Variants in PDE8B observed in about 807,000 individuals in gnomAD.
The protein encoded by PDE8B is high affinity cAMP-specific and IBMX-insensitive 3',5'-cyclic phosphodiesterase 8B.
A neutral mutation model predicts 101.3 loss-of-function variants in PDE8B; 26 were observed. The ratio of observed to expected loss-of-function variants is 0.26; its 90% confidence interval spans 0.19 to 0.36. PDE8B has a LOEUF of 0.36. Among genes scored for constraint, PDE8B ranks in the 10% least tolerant of loss-of-function variants. The pLI, the probability that PDE8B is intolerant of heterozygous loss-of-function variation, is 1.00. For synonymous variants in PDE8B, 424 were observed against 429.3 expected (o/e 0.99, Z 0.15); for missense variants, 810 against 1,163.1 (o/e 0.70, Z 4.42).
chr5:77,353,395 A>G lies in PDE8B; in HGVS notation c.1156A>G (p.Asn386Asp). 3 of 1,597,654 alleles carry G rather than the reference A, an allele frequency of 1.9e-6. No homozygotes were observed. The highest frequency in any genetic ancestry group is 1.7e-6 in the Non-Finnish European group (2 of 1,165,020). Residue 386 changes from asparagine (N) to aspartate (D), a missense_variant, in exon 10 of 22, where the codon AAT (asparagine) becomes GAT (aspartate). By Grantham distance (23) the Asn-to-Asp change is conservative. Transcript: ENST00000264917. ...SLKKLCCTTD[N>D]NKQIHKIHRD... ...CAAGAAACTGTGTTGTACCACTGACAATAATAAGCAGGTATGGTATTAGCT... is the reference window on the plus strand; with the variant it reads ...CAAGAAACTGTGTTGTACCACTGACGATAATAAGCAGGTATGGTATTAGCT...
chr5:77,271,992 C>G (rs1762907843), intron 1 of PDE8B, among the ~76,000 whole-genome samples: 1 of 152,174 alleles, frequency 6.6e-6, no homozygotes. Context: ...TTAGAAATGT[C>G]AACTCTCAGC....
intron 10 of PDE8B, among the ~76,000 whole-genome samples, chr5:77,383,374 C>T (rs1471630736): frequency 6.6e-6 from 1 of 152,138 alleles, no homozygotes; most frequent in East Asian, 1.9e-4. Context: ...AATTTTCTCC[C>T]ATTCTGTAGG....
rs1465533351 is a variant in PDE8B at position 77,339,718 on chromosome 5, A to T, written c.797+2403A>T. ...CCCCTACAATTCCGCCCCCAGCTGC[A>T]GCTAAATATGTATCATTACTGTCAT... On this transcript the variant is annotated intron_variant, in intron 6 of 21. Transcript: ENST00000264917. Among the ~76,000 whole-genome samples, 3 of 152,176 alleles carry T rather than the reference A, an allele frequency of 2.0e-5. No homozygotes were observed. The South Asian group carries it at 6.2e-4, about 32-fold the overall frequency.
chr5:77,132,316 G>C, the PDE8B span, among the ~76,000 whole-genome samples: 1 of 151,824 alleles, frequency 6.6e-6, no homozygotes, highest in Non-Finnish European at 1.5e-5. Context: ...GTGCTATATT[G>C]TTTTTCCTGA....
chr5:77,228,172 G>A (rs1370938247), intron 1 of PDE8B, among the ~76,000 whole-genome samples: 5 of 152,164 alleles, frequency 3.3e-5, no homozygotes, highest in Non-Finnish European at 7.4e-5. Flanking sequence ...TTAGCTCCTT[G>A]TTGACTGTTG....
At chr5:77,422,117 C>T (rs982646276) in intron 20 of PDE8B, 129 bp downstream of exon 20, 2 of 995,910 alleles carry the variant, frequency 2.0e-6, no homozygotes, top group Non-Finnish European at 1.5e-6. Flanking sequence ...TGGAAGAAAG[C>T]AGCTTACCCC....
chr5:77,386,400 G>A (rs1351946188), intron 10 of PDE8B, among the ~76,000 whole-genome samples: 1 of 152,146 alleles, frequency 6.6e-6, no homozygotes, highest in Non-Finnish European at 1.5e-5. Flanking sequence ...CACTATTATT[G>A]TGTGGGAGTC....
chr5:77,423,588 G>A (rs1293544105), intron 20 of PDE8B, among the ~76,000 whole-genome samples: 1 of 143,112 alleles, frequency 7.0e-6, no homozygotes, highest in African/African-American at 2.6e-5. Context: ...TTGTGGTTTT[G>A]ATTTGCATGT....
At position 77,210,809 on chromosome 5, in the gene PDE8B, G is replaced by T; in HGVS notation, c.-117G>T. On this transcript the variant is annotated 5_prime_UTR_variant, in exon 1 of 22. Coordinates refer to ENST00000264917, the MANE Select transcript of PDE8B (RefSeq NM_003719.5). This position sits in a 1 kb window ranked among gnomAD's most constrained non-coding sequence, Gnocchi z 4.9. The stretch of plus-strand genomic sequence containing the variant: ...CGACGGAGCGGCGGACACACAGGCC[G>T]GGGGGCGCGCAGTCCGGGCGCCGCC... 2.0e-6 allele frequency: 2 copies of T among 984,556 alleles called. No homozygotes were observed. Among genetic ancestry groups the T allele is most frequent in the South Asian group, 9.4e-5 (2 of 21,350 alleles). 61.0% of individuals were successfully genotyped at this position (984,556 alleles called of 1,614,324 possible). A position where few individuals can be genotyped will look rare whatever the true frequency, so the allele number is the denominator to read the frequency against.
the PDE8B span, among the ~76,000 whole-genome samples, chr5:77,160,664 A>G: frequency 6.6e-6 from 1 of 151,974 alleles, no homozygotes; most frequent in Non-Finnish European, 1.5e-5. Flanking sequence ...AGTTTAGTTT[A>G]GTTTTGAGAC....
chr5:77,135,901 G>A, the PDE8B span, among the ~76,000 whole-genome samples: 3 of 152,230 alleles, frequency 2.0e-5, no homozygotes, highest in South Asian at 6.2e-4. Flanking sequence ...ACAGGCATGA[G>A]CATTGGCAAA....
intron 6 of PDE8B, among the ~76,000 whole-genome samples, 165 bp downstream of exon 6, chr5:77,337,480 G>A (rs895071743): frequency 6.6e-6 from 1 of 152,138 alleles, no homozygotes; most frequent in Non-Finnish European, 1.5e-5. Context: ...AAGCCAGAAG[G>A]CCCATTATAT....
chr5:77,234,688 C>G (rs1308998225), intron 1 of PDE8B, among the ~76,000 whole-genome samples: 1 of 152,166 alleles, frequency 6.6e-6, no homozygotes, highest in Non-Finnish European at 1.5e-5. Context: ...CCTCTCTCCT[C>G]CAGATTCTTC....
the PDE8B span, among the ~76,000 whole-genome samples, chr5:77,175,798 T>G: frequency 6.6e-6 from 1 of 152,232 alleles, no homozygotes; most frequent in African/African-American, 2.4e-5. Context: ...TTTGCCTCTG[T>G]GATAAAATAC....
rs143237999 is a variant in PDE8B, at chr5:77,350,571, TGGCTGGGG to T, written c.1018-490_1018-483del. 3.4e-3 allele frequency among the ~76,000 whole-genome samples: 520 copies of T among 151,866 alleles called. 1 individual carries two copies. The highest frequency in any genetic ancestry group is 0.012 in the African/African-American group (493 of 41,394). On this transcript the variant is annotated intron_variant, in intron 8 of 21. Coordinates refer to ENST00000264917, the MANE Select transcript of PDE8B (RefSeq NM_003719.5). ...AGCCAGAGTAACCCCCGAGAAGCCT[TGGCTGGGG>T]GGCCCGTAGGATGTTAGGAAGATGA...
the PDE8B span, among the ~76,000 whole-genome samples, chr5:77,181,529 T>C: frequency 2.0e-5 from 3 of 152,148 alleles, no homozygotes; most frequent in Middle Eastern, 3.2e-3. Flanking sequence ...CTCTATACCC[T>C]CAAGACTAGC....
At chr5:77,399,717 A>AC (rs1186875267) in intron 10 of PDE8B, among the ~76,000 whole-genome samples, 4 of 152,216 alleles carry the variant, frequency 2.6e-5, no homozygotes, top group Admixed American at 2.0e-4. Flanking sequence ...AATGAGAAAG[A>AC]ATAGGTGGAA....
the PDE8B span, among the ~76,000 whole-genome samples, chr5:77,191,100 G>A: frequency 5.3e-5 from 8 of 152,264 alleles, no homozygotes; most frequent in South Asian, 1.2e-3. Context: ...CTCTGTGCAT[G>A]TATGGAGAGA....
chr5:77,364,403 G>A (rs536347647), intron 10 of PDE8B, among the ~76,000 whole-genome samples: 1 of 152,184 alleles, frequency 6.6e-6, no homozygotes, highest in Admixed American at 6.5e-5. Flanking sequence ...CGCTTCTGTG[G>A]TGCCTCATTT....
Sources: allele counts gnomAD v4.1 joint callset (sites outside exome capture counted in the v4.1 genomes callset), GRCh38; gene constraint gnomAD v4.1.1; non-coding constraint Gnocchi (gnomAD v3.1); transcripts MANE v1.5; gene names NCBI Gene and HGNC (gene_info 2026-07-23, HGNC 2026-07-21).